PARD3: variants seen among roughly 807,000 people sequenced by gnomAD.
PARD3 encodes partitioning defective 3 homolog.
PARD3 carries 75 observed loss-of-function variants against 155.4 expected under a neutral mutation model. The observed-to-expected ratio is 0.48, with a 90% confidence interval of 0.40 to 0.58. The LOEUF is 0.58. Among genes scored for constraint, PARD3 ranks in the 20% least tolerant of loss-of-function variants. The pLI is 0.00. For missense variants in PARD3, 1,642 were observed against 1,721.7 expected (o/e 0.95, Z 0.82); for synonymous variants, 576 against 610.5 (o/e 0.94, Z 0.83).
chr10:34,763,007 G>T (rs980090283), intron 1 of PARD3, among the ~76,000 whole-genome samples: 1 of 152,230 alleles, frequency 6.6e-6, no homozygotes, highest in South Asian at 2.1e-4. Flanking sequence ...CTGAGGGACA[G>T]ATTCTATCAG....
At chr10:34,689,785 G>C (rs1377546614) in intron 2 of PARD3, among the ~76,000 whole-genome samples, 1 of 152,024 alleles carries the variant, frequency 6.6e-6, no homozygotes, top group African/African-American at 2.4e-5. Context: ...AAAAGATCAA[G>C]CATAGTTTGC....
chr10:34,341,564 C>T (rs1405528174), intron 16 of PARD3, 63 bp downstream of exon 16: 2 of 1,302,858 alleles, frequency 1.5e-6, no homozygotes, highest in Non-Finnish European at 1.1e-6. Context: ...AGCAGTAAGC[C>T]ACTTAAACAT....
At chr10:34,193,884 T>C (rs1453041733) in intron 22 of PARD3, among the ~76,000 whole-genome samples, 1 of 152,184 alleles carries the variant, frequency 6.6e-6, no homozygotes, top group African/African-American at 2.4e-5. Flanking sequence ...CCCTGAATTT[T>C]CTACTAACAT....
intron 2 of PARD3, among the ~76,000 whole-genome samples, chr10:34,555,031 A>G (rs573787902): frequency 7.9e-4 from 120 of 152,336 alleles, no homozygotes; most frequent in African/African-American, 2.7e-3. Flanking sequence ...ATATTGTCTG[A>G]TACTGTAATG....
intron 2 of PARD3, among the ~76,000 whole-genome samples, chr10:34,579,090 T>C (rs984148976): frequency 1.3e-5 from 2 of 152,012 alleles, no homozygotes; most frequent in African/African-American, 4.8e-5. Flanking sequence ...TCCAACATGG[T>C]GAAACCCCAT....
chr10:34,794,850 A>T (rs1364562005), intron 1 of PARD3, among the ~76,000 whole-genome samples: 1 of 151,358 alleles, frequency 6.6e-6, no homozygotes, highest in Non-Finnish European at 1.5e-5. Context: ...ACATAACAAT[A>T]AAAAAAAATG....
chr10:34,573,725 AAACAAACAAAAAC>A (rs2134178961), intron 2 of PARD3, among the ~76,000 whole-genome samples: 2 of 112,848 alleles, frequency 1.8e-5, no homozygotes, highest in Admixed American at 9.5e-5. Flanking sequence ...ACAAACAAAC[AAACAAACAAAAAC>A]ACACACACAC....
At chr10:34,695,968 A>G (rs774510218) in intron 2 of PARD3, among the ~76,000 whole-genome samples, 1 of 152,216 alleles carries the variant, frequency 6.6e-6, no homozygotes, top group African/African-American at 2.4e-5. Context: ...TGTTGTATAC[A>G]CGGAGATGAT....
At chr10:34,459,587 G>C (rs1319016384) in intron 4 of PARD3, among the ~76,000 whole-genome samples, 1 of 152,194 alleles carries the variant, frequency 6.6e-6, no homozygotes, top group Non-Finnish European at 1.5e-5. Flanking sequence ...GAAGGGAACA[G>C]ATGCTAGACA....
chr10:34,626,442 G>T (rs537164876), intron 2 of PARD3, among the ~76,000 whole-genome samples: 79 of 152,174 alleles, frequency 5.2e-4, no homozygotes, highest in African/African-American at 1.6e-3. Context: ...TGGGAATACA[G>T]CTTGTTCTTT....
intron 2 of PARD3, among the ~76,000 whole-genome samples, chr10:34,559,440 T>TAA (rs796329835): frequency 3.9e-5 from 4 of 101,340 alleles, no homozygotes; most frequent in Middle Eastern, 5.9e-3. Flanking sequence ...ATTTTTCTCC[T>TAA]AAAAAAAAAT....
At chr10:34,350,796 C>A (rs1837991824) in intron 14 of PARD3, among the ~76,000 whole-genome samples, 1 of 152,136 alleles carries the variant, frequency 6.6e-6, no homozygotes, top group South Asian at 2.1e-4. Context: ...TTTAGCCCCT[C>A]AGTTCCATCC....
chr10:34,613,878 G>A (rs2091076200), intron 2 of PARD3, among the ~76,000 whole-genome samples: 1 of 152,264 alleles, frequency 6.6e-6, no homozygotes, highest in South Asian at 2.1e-4. Flanking sequence ...TTAAAATGAT[G>A]TTGCATCACA....
chr10:34,324,600 C>G (rs1036155475), intron 19 of PARD3, among the ~76,000 whole-genome samples: 6 of 152,094 alleles, frequency 3.9e-5, no homozygotes, highest in African/African-American at 1.4e-4. Flanking sequence ...TTGGGAGACA[C>G]TAGCAATACC....
intron 3 of PARD3, among the ~76,000 whole-genome samples, chr10:34,492,637 A>C (rs1207276293): frequency 6.6e-6 from 1 of 152,220 alleles, no homozygotes; most frequent in African/African-American, 2.4e-5. Context: ...AAAATGTCTA[A>C]ATTTTACACC....
rs756464642 is a variant in PARD3 at position 34,569,619 on chromosome 10, G to A, written c.223-52460C>T. On this transcript the variant is annotated intron_variant, in intron 2 of 24. Transcript: ENST00000374788. Reference sequence around the variant, plus strand: ...TTTTTAGTAGAGACGGGGTTTCACCGTGTTAGCCAGGATGATCTCCATCTC... The same window carrying A: ...TTTTTAGTAGAGACGGGGTTTCACCATGTTAGCCAGGATGATCTCCATCTC... Among the ~76,000 whole-genome samples, 11 of 151,882 alleles carry A rather than the reference G, an allele frequency of 7.2e-5. No individual in the cohort carries two copies. In the South Asian group the frequency reaches 8.3e-4, roughly 12 times the overall value.
chr10:34,728,698 C>A (rs1293895022), intron 1 of PARD3, among the ~76,000 whole-genome samples: 3 of 152,158 alleles, frequency 2.0e-5, no homozygotes, highest in Non-Finnish European at 4.4e-5. Context: ...AGAATACAAC[C>A]ATTTCTGTAC....
At chr10:34,675,824 T>A (rs1421340024) in intron 2 of PARD3, 2 of 194,798 alleles carry the variant, frequency 1.0e-5, no homozygotes, top group Admixed American at 9.6e-5. Flanking sequence ...TAATCTGGTG[T>A]TCAGCACATG....
chr10:34,662,570 G>A (rs1010382829), intron 2 of PARD3, among the ~76,000 whole-genome samples: 5 of 152,114 alleles, frequency 3.3e-5, no homozygotes, highest in Non-Finnish European at 5.9e-5. Flanking sequence ...GTACTATTCA[G>A]CCATAAAAAA....
Sources: allele counts gnomAD v4.1 joint callset (sites outside exome capture counted in the v4.1 genomes callset), GRCh38; gene constraint gnomAD v4.1.1; transcripts MANE v1.5; gene names NCBI Gene and HGNC (gene_info 2026-07-23, HGNC 2026-07-21).